HMOX2: variants seen among roughly 807,000 people sequenced by gnomAD.
HMOX2 encodes the protein heme oxygenase 2, also known as heme oxygenase (decycling) 2.
In HMOX2, 30 loss-of-function variants were observed where a neutral mutation model predicts 33.7. That is an observed-to-expected ratio of 0.89 (90% CI 0.67 to 1.21). HMOX2 has a LOEUF of 1.21. HMOX2 is among the 50% of genes most tolerant of loss of function. The probability of loss-of-function intolerance (pLI) is 0.00; values close to 1 mark genes in which losing one functional copy is unlikely to be tolerated. For synonymous variants in HMOX2, 155 were observed against 155.0 expected (o/e 1.00, Z 0.00); for missense variants, 403 against 399.1 (o/e 1.01, Z -0.08).
intron 1 of HMOX2, among the ~76,000 whole-genome samples, chr16:4,482,341 A>C (rs2058051643): frequency 6.6e-6 from 1 of 152,188 alleles, no homozygotes; most frequent in Admixed American, 6.6e-5. Context: ...TATTTGAGAA[A>C]GGCAAAAAAA....
intron 1 of HMOX2, among the ~76,000 whole-genome samples, chr16:4,501,191 AG>A (rs1186854267): frequency 4.6e-5 from 7 of 152,184 alleles, no homozygotes; most frequent in Middle Eastern, 3.4e-3. Flanking sequence ...AAGAGAATTG[AG>A]TCACTCCATA....
intron 1 of HMOX2, among the ~76,000 whole-genome samples, chr16:4,499,094 A>C (rs944995760): frequency 6.6e-6 from 1 of 152,194 alleles, no homozygotes. Flanking sequence ...CTCAGGTGTG[A>C]CCTGCCCAGA....
intron 1 of HMOX2, among the ~76,000 whole-genome samples, chr16:4,500,326 G>T (rs1174055704): frequency 6.6e-6 from 1 of 152,212 alleles, no homozygotes; most frequent in African/African-American, 2.4e-5. Flanking sequence ...CACTCGTGGA[G>T]TCCCAGTGCA....
At chr16:4,482,624 C>T (rs981910918) in intron 1 of HMOX2, among the ~76,000 whole-genome samples, 9 of 152,154 alleles carry the variant, frequency 5.9e-5, no homozygotes, top group Non-Finnish European at 1.3e-4. Context: ...AGCTATAAAT[C>T]GAAAGTTCTG....
chr16:4,477,783 G>T (rs1217793039), intron 1 of HMOX2, among the ~76,000 whole-genome samples: 5 of 152,052 alleles, frequency 3.3e-5, no homozygotes, highest in African/African-American at 9.7e-5. Flanking sequence ...TAAACGGGCG[G>T]GGTGGCGCGT....
At position 4,479,172 on chromosome 16, in the gene HMOX2, A is replaced by G. The variant is rs138945764; in HGVS notation, c.-42+2685A>G. ...ATCTCAAAGAAAAAAAAATTCTATC[A>G]GAGTGAACAATAAGTAGGATGCTAG... On this transcript the variant is annotated intron_variant, in intron 1 of 5. Transcript: ENST00000570646. Among the ~76,000 whole-genome samples the G allele has an allele frequency of 3.5e-3, 537 of 152,248 alleles. 1 individual carries two copies. The highest frequency in any genetic ancestry group is 0.012 in the African/African-American group (514 of 41,544).
At chr16:4,508,996 G>A (rs185649335) in intron 4 of HMOX2, among the ~76,000 whole-genome samples, 13 of 152,318 alleles carry the variant, frequency 8.5e-5, no homozygotes, top group Admixed American at 7.2e-4. Context: ...TGCTTGCTGT[G>A]TAGTTGGCAC....
chr16:4,507,606 A>C, intron 3 of HMOX2, 107 bp from the exon 4 acceptor site: 1 of 1,160,686 alleles, frequency 8.6e-7, no homozygotes, highest in Non-Finnish European at 1.2e-6. Context: ...AAAATGGACC[A>C]TAGGATTGGG....
intron 1 of HMOX2, among the ~76,000 whole-genome samples, chr16:4,482,896 C>T (rs980900673): frequency 1.4e-4 from 21 of 151,830 alleles, no homozygotes; most frequent in African/African-American, 5.1e-4. Flanking sequence ...CGGGTGTGGT[C>T]GTGCATGCCT....
chr16:4,505,749 C>T, intron 2 of HMOX2, 139 bp downstream of exon 2: 1 of 593,046 alleles, frequency 1.7e-6, no homozygotes, highest in Non-Finnish European at 3.0e-6. Context: ...CTGCTTGGCC[C>T]TGCAGGGACC....
Position 4,505,602 on chromosome 16 carries a change from C to G in HMOX2, c.78C>G (p.Asn26Lys). The G allele has an allele frequency of 1.3e-6, 2 of 1,594,142 alleles. No homozygotes were observed. Among genetic ancestry groups the G allele is most frequent in the African/African-American group, 2.7e-5 (2 of 74,386 alleles). ...KKNSGALEKE[N>K]QMRMADLSEL... ...ACTCTGGGGCCCTAGAAAAGGAGAA[C>G]CAAATGAGGTGAGCGATGGGGGCTG... The change falls in exon 2 of 6, where the codon AAC becomes AAG. Residue 26 changes from asparagine to lysine, a missense_variant. Coordinates refer to ENST00000570646, the MANE Select transcript of HMOX2 (RefSeq NM_002134.4).
At chr16:4,492,003 A>G (rs1032183514) in intron 1 of HMOX2, among the ~76,000 whole-genome samples, 7 of 152,058 alleles carry the variant, frequency 4.6e-5, no homozygotes, top group South Asian at 4.1e-4. Context: ...TCAAACAAAA[A>G]ATGGAAATAT....
At chr16:4,498,588 T>C (rs2141582849) in intron 1 of HMOX2, among the ~76,000 whole-genome samples, 1 of 152,082 alleles carries the variant, frequency 6.6e-6, no homozygotes, top group South Asian at 2.1e-4. Flanking sequence ...TTGCCCAGGC[T>C]AGTCTTGAGC....
intron 1 of HMOX2, among the ~76,000 whole-genome samples, chr16:4,491,480 T>A (rs1027089321): frequency 1.3e-5 from 2 of 151,902 alleles, no homozygotes; most frequent in East Asian, 3.9e-4. Flanking sequence ...TGAAACCCCA[T>A]CTCTACAAAA....
intron 1 of HMOX2, among the ~76,000 whole-genome samples, chr16:4,491,381 G>A (rs936861329): frequency 3.3e-5 from 5 of 152,164 alleles, no homozygotes; most frequent in Non-Finnish European, 7.3e-5. Flanking sequence ...CGGGCACTAT[G>A]GCCCACTCCT....
intron 1 of HMOX2, among the ~76,000 whole-genome samples, chr16:4,478,892 C>T (rs777630315): frequency 8.6e-5 from 13 of 151,098 alleles, no homozygotes; most frequent in Admixed American, 5.3e-4. Flanking sequence ...CGGTGGCTCA[C>T]GCCTGTAATC....
At chr16:4,477,748 G>A (rs56191919) in intron 1 of HMOX2, among the ~76,000 whole-genome samples, 17,405 of 151,830 alleles carry the variant, frequency 0.11, 2,083 homozygotes, top group African/African-American at 0.3. Flanking sequence ...GTGAAACCCC[G>A]TCTCTACTAA....
intron 1 of HMOX2, among the ~76,000 whole-genome samples, chr16:4,487,338 G>A (rs2058194388): frequency 6.6e-6 from 1 of 152,098 alleles, no homozygotes; most frequent in Admixed American, 6.6e-5. Context: ...CGGATCACCT[G>A]AGATCAGGAG....
rs1258889092 is a variant in HMOX2, at chr16:4,510,043, G to C, written c.*287G>C. The stretch of plus-strand genomic sequence containing the variant: ...AGGCTTCCACACTTCTGGGCCCTAG[G>C]CTGCTTCCGGTAGTCCCTGTTTTTG... On this transcript the variant is annotated 3_prime_UTR_variant, in exon 6 of 6. Coordinates refer to ENST00000570646, the MANE Select transcript of HMOX2 (RefSeq NM_002134.4). 5 of 464,558 alleles carry C rather than the reference G, an allele frequency of 1.1e-5. No homozygotes were observed. In the East Asian group the frequency reaches 1.7e-4, roughly 16 times the overall value. 28.8% of individuals were successfully genotyped at this position (464,558 alleles called of 1,614,324 possible). A position where few individuals can be genotyped will look rare whatever the true frequency, so the allele number is the denominator to read the frequency against.
Sources: gnomAD v4.1 joint callset for allele counts (sites outside exome capture counted in the v4.1 genomes callset) on GRCh38, gnomAD v4.1.1 for gene constraint, MANE v1.5 for transcripts, NCBI Gene and HGNC (gene_info 2026-07-23, HGNC 2026-07-21) for gene names.